IMPACT: variants seen among roughly 807,000 people sequenced by gnomAD.
IMPACT encodes the protein protein IMPACT.
In IMPACT, 35 loss-of-function variants were observed where a neutral mutation model predicts 47.5. The ratio of observed to expected loss-of-function variants is 0.74; its 90% CI spans 0.56 to 0.98. The LOEUF (loss-of-function observed/expected upper bound fraction) is 0.98, where lower values mean the gene tolerates loss of function less well. Among genes scored for constraint, IMPACT ranks in the 50% least tolerant of loss-of-function variants. IMPACT has a pLI of 0.00. For synonymous variants in IMPACT, 118 were observed against 125.6 expected (o/e 0.94, Z 0.40); for missense variants, 373 against 394.8 (o/e 0.94, Z 0.47).
chr18:24,433,371 T>G (rs1443396781), intron 4 of IMPACT, among the ~76,000 whole-genome samples: 8 of 149,558 alleles, frequency 5.3e-5, no homozygotes, highest in Non-Finnish European at 8.9e-5. Context: ...GGCTAATTTT[T>G]TGTATTTTTA....
chr18:24,443,647 C>T (rs1909174129), intron 7 of IMPACT, among the ~76,000 whole-genome samples: 1 of 152,156 alleles, frequency 6.6e-6, no homozygotes, highest in African/African-American at 2.4e-5. Context: ...TAAGTCCATT[C>T]CTCTGTTATT....
chr18:24,432,570 G>A (rs1465261744), intron 4 of IMPACT, among the ~76,000 whole-genome samples: 1 of 152,032 alleles, frequency 6.6e-6, no homozygotes, highest in Non-Finnish European at 1.5e-5. Context: ...GTCATCCTTG[G>A]CGGAAGTATA....
At chr18:24,431,798 T>A (rs1908763627) in intron 4 of IMPACT, among the ~76,000 whole-genome samples, 1 of 152,052 alleles carries the variant, frequency 6.6e-6, no homozygotes, top group Non-Finnish European at 1.5e-5. Context: ...GCCCCTCAGG[T>A]TCAAGCAGTT....
chr18:24,442,985 T>C, intron 6 of IMPACT, 64 bp from the exon 7 acceptor site: 8 of 809,390 alleles, frequency 9.9e-6, no homozygotes, highest in Non-Finnish European at 1.6e-5. Flanking sequence ...GCCCCCCCAT[T>C]TCATTTTTTT....
chr18:24,443,694 C>T (rs991252654), intron 7 of IMPACT, among the ~76,000 whole-genome samples: 1 of 152,152 alleles, frequency 6.6e-6, no homozygotes, highest in African/African-American at 2.4e-5. Context: ...CTGGCTAAAC[C>T]AAGTCCTCCC....
Position 24,452,386 on chromosome 18 carries a change from C to A in IMPACT, c.*1539C>A, listed in dbSNP as rs540903555. On this transcript the variant is annotated 3_prime_UTR_variant, in exon 11 of 11. Transcript: ENST00000284202. ...ATGAAAAGTATGCTTTGTGTTTTAA[C>A]TGTTAAAATAATTTAAAAATTAATT... 3.3e-5 allele frequency: 5 copies of A among 152,022 alleles called. No individual in the cohort carries two copies. Among genetic ancestry groups the A allele is most frequent in the African/African-American group, 1.2e-4 (5 of 41,482 alleles). 9.4% of individuals were successfully genotyped at this position (152,022 alleles called of 1,614,324 possible).
At chr18:24,433,965 C>T (rs982228326) in intron 4 of IMPACT, among the ~76,000 whole-genome samples, 2 of 152,150 alleles carry the variant, frequency 1.3e-5, no homozygotes, top group African/African-American at 2.4e-5. Flanking sequence ...GCCACCACGC[C>T]TGGCCTTTTG....
chr18:24,432,582 G>C (rs1027170786), intron 4 of IMPACT, among the ~76,000 whole-genome samples: 1 of 152,116 alleles, frequency 6.6e-6, no homozygotes, highest in African/African-American at 2.4e-5. Context: ...GGAAGTATAA[G>C]TATTTCATTA....
At chr18:24,441,515 G>A (rs1317773231) in intron 6 of IMPACT, among the ~76,000 whole-genome samples, 4 of 152,104 alleles carry the variant, frequency 2.6e-5, no homozygotes, top group African/African-American at 4.8e-5. Context: ...TTTCGTAATC[G>A]AGTAGTATTC....
In IMPACT at chr18:24,442,792, C is replaced by A. The variant is rs538185955; in HGVS notation, c.491-257C>A. ...GCAGCAGTTCAAGATTAGTCCCAAC[C>A]CACTGCTTCCCCTGGGTAACCTTGG... is the stretch of plus-strand genomic sequence containing the variant. On this transcript the variant is annotated intron_variant, in intron 6 of 10. Coordinates refer to ENST00000284202, the MANE Select transcript of IMPACT (RefSeq NM_018439.4). 4.6e-5 allele frequency among the ~76,000 whole-genome samples: 7 copies of A among 152,220 alleles called. No individual in the cohort carries two copies. In the East Asian group the frequency reaches 1.3e-3, roughly 29 times the overall value.
chr18:24,446,904 A>G (rs1426593986), intron 8 of IMPACT, among the ~76,000 whole-genome samples: 1 of 152,238 alleles, frequency 6.6e-6, no homozygotes, highest in Admixed American at 6.5e-5. Context: ...AACTTTATGT[A>G]AATTAACTCT....
chr18:24,448,494 T>A (rs1194027227), intron 9 of IMPACT, among the ~76,000 whole-genome samples: 1 of 152,130 alleles, frequency 6.6e-6, no homozygotes, highest in African/African-American at 2.4e-5. Flanking sequence ...ATTCTTTCTT[T>A]ATGGAACTCC....
chr18:24,440,670 T>TG, intron 6 of IMPACT, 52 bp downstream of exon 6: 2 of 1,432,900 alleles, frequency 1.4e-6, no homozygotes, highest in South Asian at 2.9e-5. Flanking sequence ...GGTAGTATTA[T>TG]GTATTGTTCT....
rs1909428721 is a variant in IMPACT, at chr18:24,453,139, CT to C, written c.*2293del. On this transcript the variant is annotated 3_prime_UTR_variant, in exon 11 of 11. Coordinates refer to ENST00000284202, the MANE Select transcript of IMPACT (RefSeq NM_018439.4). ...GCCAGAATATAAGAGCAAGTGTTATCTACTTTTTAGATGGGAATTGCAGAAG... is the reference window on the plus strand; with the variant it reads ...GCCAGAATATAAGAGCAAGTGTTATCACTTTTTAGATGGGAATTGCAGAAG... 6.6e-6 allele frequency: 1 copy of C among 152,150 alleles called. No individual in the cohort carries two copies. The highest frequency in any genetic ancestry group is 6.5e-5 in the Admixed American group (1 of 15,276). 9.4% of individuals were successfully genotyped at this position (152,150 alleles called of 1,614,324 possible). A position where few individuals can be genotyped will look rare whatever the true frequency, so the allele number is the denominator to read the frequency against.
At chr18:24,444,353 A>G (rs2144346267) in intron 7 of IMPACT, among the ~76,000 whole-genome samples, 1 of 152,298 alleles carries the variant, frequency 6.6e-6, no homozygotes, top group Middle Eastern at 3.4e-3. Flanking sequence ...AAGATTATAA[A>G]ATGATAAACA....
intron 1 of IMPACT, 179 bp from the exon 2 acceptor site, chr18:24,427,740 A>G: frequency 3.5e-6 from 2 of 567,606 alleles, no homozygotes; most frequent in Non-Finnish European, 6.0e-6. Context: ...AGCGCCTAGC[A>G]ACCACCCAGA....
At chr18:24,448,991 A>G (rs1196196482) in intron 9 of IMPACT, among the ~76,000 whole-genome samples, 1 of 152,124 alleles carries the variant, frequency 6.6e-6, no homozygotes, top group Non-Finnish European at 1.5e-5. Flanking sequence ...CTTTCCCTTG[A>G]ATAGTAACTG....
intron 7 of IMPACT, among the ~76,000 whole-genome samples, chr18:24,444,944 A>T (rs1385956584): frequency 6.6e-6 from 1 of 152,182 alleles, no homozygotes; most frequent in African/African-American, 2.4e-5. Flanking sequence ...CACTTATAAG[A>T]CCTGGCTCAT....
chr18:24,430,483 T>G, intron 4 of IMPACT, 99 bp downstream of exon 4: 1 of 781,902 alleles, frequency 1.3e-6, no homozygotes. Context: ...TCTAAACTTT[T>G]TAAAGCTACT....
Sources: allele counts gnomAD v4.1 joint callset (sites outside exome capture counted in the v4.1 genomes callset), GRCh38; gene constraint gnomAD v4.1.1; transcripts MANE v1.5; gene names NCBI Gene and HGNC (gene_info 2026-07-23, HGNC 2026-07-21).